Variants in HMGCLL1 observed in about 807,000 individuals in gnomAD.
HMGCLL1 encodes the protein 3-hydroxy-3-methylglutaryl-CoA lyase like 1.
Under a neutral mutation model 39.1 loss-of-function variants are expected in HMGCLL1, and 36 were observed. That is an observed-to-expected ratio of 0.92 (90% CI 0.71 to 1.22). HMGCLL1 has a LOEUF of 1.22. Among genes scored for constraint, HMGCLL1 ranks in the 50% most tolerant of loss-of-function variants. The pLI, the probability that HMGCLL1 is intolerant of heterozygous loss-of-function variation, is 0.00. For missense variants in HMGCLL1, 451 were observed against 416.5 expected, an observed-to-expected ratio of 1.08 and a Z score of -0.72; for synonymous variants, 149 against 144.0, an observed-to-expected ratio of 1.03 and a Z score of -0.25.
At chr6:55,467,368 T>G (rs1002780500) in intron 7 of HMGCLL1, among the ~76,000 whole-genome samples, 2 of 152,126 alleles carry the variant, frequency 1.3e-5, no homozygotes, top group African/African-American at 4.8e-5. Flanking sequence ...CCAGGCTTCT[T>G]ACGTACAAGC....
intron 3 of HMGCLL1, among the ~76,000 whole-genome samples, chr6:55,525,343 G>A (rs963737823): frequency 3.3e-5 from 5 of 151,900 alleles, no homozygotes; most frequent in Non-Finnish European, 1.5e-5. Flanking sequence ...TCCTATGGTA[G>A]GATATGAAAT....
chr6:55,633,510 A>G, the HMGCLL1 span, among the ~76,000 whole-genome samples: 1 of 151,844 alleles, frequency 6.6e-6, no homozygotes, highest in African/African-American at 2.4e-5. Flanking sequence ...CAGAAGGTAG[A>G]CATATGAAAA....
At chr6:55,627,681 G>A in the HMGCLL1 span, among the ~76,000 whole-genome samples, 10 of 107,980 alleles carry the variant, frequency 9.3e-5, no homozygotes, top group Non-Finnish European at 2.3e-4. Context: ...ATATAAAGCA[G>A]GCAGAAAATC....
chr6:55,607,183 T>G, the HMGCLL1 span, among the ~76,000 whole-genome samples: 1 of 152,146 alleles, frequency 6.6e-6, no homozygotes, highest in Non-Finnish European at 1.5e-5. Context: ...TTGTCACAAC[T>G]CCACAAAATT....
chr6:55,495,574 C>T lies in HMGCLL1; in HGVS notation c.640G>A (p.Glu214Lys), dbSNP rs373193480. The part of the protein sequence containing the change: ...SKRLYGMGCY[E>K]ISLGDTIGVG... Reference sequence around the variant, plus strand: ...CCAATTGTGTCTCCTAGAGAGATCTCATAACAACCCATGCCGTACAATCTC... The same window carrying T: ...CCAATTGTGTCTCCTAGAGAGATCTTATAACAACCCATGCCGTACAATCTC... The change falls in exon 7 of 9, where the codon GAG becomes AAG. Residue 214 changes from glutamate (E) to lysine (K), a missense_variant. Glu to Lys is a moderately conservative substitution (Grantham distance 56). Coordinates refer to ENST00000274901, the MANE Select transcript of HMGCLL1 (RefSeq NM_001042406.2). 6.2e-7 allele frequency: 1 copy of T among 1,612,444 alleles called. No homozygotes were observed. Among genetic ancestry groups the T allele is most frequent in the Non-Finnish European group, 8.5e-7 (1 of 1,179,216 alleles).
chr6:55,465,326 C>T (rs1016701752), intron 7 of HMGCLL1, among the ~76,000 whole-genome samples: 2 of 151,980 alleles, frequency 1.3e-5, no homozygotes, highest in Non-Finnish European at 2.9e-5. Flanking sequence ...CATTACTTCA[C>T]ACACCCAAAA....
intron 7 of HMGCLL1, among the ~76,000 whole-genome samples, chr6:55,447,058 T>C (rs780189442): frequency 6.6e-6 from 1 of 152,028 alleles, no homozygotes; most frequent in African/African-American, 2.4e-5. Flanking sequence ...ATATTTTTAT[T>C]CTCAACTTGT....
At chr6:55,574,053 A>AT (rs1406388033) in intron 1 of HMGCLL1, among the ~76,000 whole-genome samples, 4 of 152,034 alleles carry the variant, frequency 2.6e-5, no homozygotes, top group African/African-American at 4.8e-5. Flanking sequence ...ATGGCTGTTA[A>AT]TTTTTTAGAT....
the HMGCLL1 span, among the ~76,000 whole-genome samples, chr6:55,596,517 G>T: frequency 4.0e-5 from 6 of 149,936 alleles, no homozygotes; most frequent in South Asian, 1.0e-3. Context: ...TGATGTAAAA[G>T]ATTTAATTAT....
intron 5 of HMGCLL1, among the ~76,000 whole-genome samples, chr6:55,502,046 G>T (rs1486677879): frequency 1.3e-5 from 2 of 151,754 alleles, no homozygotes; most frequent in African/African-American, 4.8e-5. Context: ...CTGGTTCAAT[G>T]TTTTTGACTT....
chr6:55,467,517 C>G (rs1334509548), intron 7 of HMGCLL1, among the ~76,000 whole-genome samples: 1 of 151,996 alleles, frequency 6.6e-6, no homozygotes, highest in Non-Finnish European at 1.5e-5. Flanking sequence ...CACCTAGAAA[C>G]AGAGAGCTTC....
At chr6:55,535,130 C>T (rs1374132909) in intron 3 of HMGCLL1, among the ~76,000 whole-genome samples, 1 of 152,128 alleles carries the variant, frequency 6.6e-6, no homozygotes, top group Non-Finnish European at 1.5e-5. Context: ...AGATCATTTA[C>T]TAAAGAACTA....
chr6:55,517,691 A>T (rs1189040612), intron 3 of HMGCLL1, among the ~76,000 whole-genome samples: 1 of 151,998 alleles, frequency 6.6e-6, no homozygotes, highest in Non-Finnish European at 1.5e-5. Context: ...ATTAAATATA[A>T]AAATACATGT....
upstream of HMGCLL1, among the ~76,000 whole-genome samples, chr6:55,580,873 G>C (rs558906389): frequency 1.3e-5 from 2 of 152,312 alleles, no homozygotes; most frequent in South Asian, 4.1e-4. Flanking sequence ...TCTATTAGCT[G>C]TACCAGCAGA....
At chr6:55,500,508 C>A (rs1034595167) in intron 5 of HMGCLL1, among the ~76,000 whole-genome samples, 2 of 151,576 alleles carry the variant, frequency 1.3e-5, no homozygotes, top group Non-Finnish European at 2.9e-5. Flanking sequence ...TAAGATGTAA[C>A]CAAATTAGGT....
At chr6:55,436,730 G>C (rs2127377568) in intron 8 of HMGCLL1, among the ~76,000 whole-genome samples, 1 of 151,974 alleles carries the variant, frequency 6.6e-6, no homozygotes, top group African/African-American at 2.4e-5. Flanking sequence ...ACTCATAGGG[G>C]CTTTTCATAA....
At chr6:55,637,712 A>ATGTGTG in the HMGCLL1 span, among the ~76,000 whole-genome samples, 2 of 44,510 alleles carry the variant, frequency 4.5e-5, no homozygotes, top group Non-Finnish European at 8.6e-5. Context: ...CTATAATTTG[A>ATGTGTG]TATGTGTGTG....
intron 7 of HMGCLL1, among the ~76,000 whole-genome samples, chr6:55,445,285 G>A (rs1230034039): frequency 2.0e-5 from 3 of 151,404 alleles, no homozygotes; most frequent in Admixed American, 6.6e-5. Context: ...TTTTCTAAAC[G>A]AGCTGCTTTG....
chr6:55,543,305 G>A lies in HMGCLL1; in HGVS notation c.109-1165C>T, dbSNP rs181714963. 4.0e-4 allele frequency among the ~76,000 whole-genome samples: 3 copies of A among 7,530 alleles called. 1 individual carries two copies. Among genetic ancestry groups the A allele is most frequent in the Admixed American group, 3.0e-3 (1 of 328 alleles). The allele number at this position is 7,530 out of a possible 152,430, so 4.9% of individuals were successfully genotyped here. On this transcript the variant is annotated intron_variant, in intron 1 of 8. Coordinates refer to ENST00000274901, the MANE Select transcript of HMGCLL1 (RefSeq NM_001042406.2). ...ATATAATATATTATATATCATATAT[G>A]ATATATAATATATAATATATATTAT...
Sources: gnomAD v4.1 joint callset for allele counts (sites outside exome capture counted in the v4.1 genomes callset) on GRCh38, gnomAD v4.1.1 for gene constraint, MANE v1.5 for transcripts, NCBI Gene and HGNC (gene_info 2026-07-23, HGNC 2026-07-21) for gene names.